BSN: variants seen among roughly 807,000 people sequenced by gnomAD.
BSN encodes protein bassoon.
Under a neutral mutation model 264.8 loss-of-function variants are expected in BSN, and 57 were observed. The ratio of observed to expected loss-of-function variants is 0.22; its 90% CI spans 0.17 to 0.27. The LOEUF (loss-of-function observed/expected upper bound fraction) is 0.27, where lower values mean the gene tolerates loss of function less well. Ranked by LOEUF, BSN falls within the 10% of genes least tolerant of loss-of-function variation. BSN has a pLI of 1.00. For synonymous variants in BSN, 2,059 were observed against 2,137.3 expected (o/e 0.96, Z 1.01); for missense variants, 4,615 against 5,232.5 (o/e 0.88, Z 3.64).
At chr3:49,591,510 A>G (rs1299008312) in intron 1 of BSN, among the ~76,000 whole-genome samples, 1 of 152,212 alleles carries the variant, frequency 6.6e-6, no homozygotes, top group Non-Finnish European at 1.5e-5. Flanking sequence ...TCTGCCACCA[A>G]CAATTTTTTT....
chr3:49,654,533 G>A lies in BSN; in HGVS notation c.4977G>A (p.Arg1659=), dbSNP rs778195624. ...PGTSRVEPGP[R]TPGTAVVDLR... is the part of the protein sequence containing the mutation. The stretch of plus-strand genomic sequence containing the variant: ...CGTCTAGGGTTGAGCCAGGCCCCAG[G>A]ACCCCTGGCACTGCAGTGGTAGACC... Residue 1659 remains arginine, a synonymous_variant, in exon 5 of 12, where the codon AGG becomes AGA. Coordinates refer to ENST00000296452, the MANE Select transcript of BSN (RefSeq NM_003458.4). This position sits in a 1 kb window ranked among gnomAD's most constrained non-coding sequence, Gnocchi z 4.1. 1.9e-6 allele frequency: 3 copies of A among 1,610,850 alleles called. No homozygotes were observed. Among genetic ancestry groups the A allele is most frequent in the Non-Finnish European group, 2.5e-6 (3 of 1,178,378 alleles).
rs764644596 is a variant in BSN, at chr3:49,650,646, A to G, written c.1553A>G (p.Lys518Arg). 3 of 1,607,732 alleles carry G rather than the reference A, an allele frequency of 1.9e-6. No homozygotes were observed. The highest frequency in any genetic ancestry group is 2.5e-6 in the Non-Finnish European group (3 of 1,178,310). The change falls in exon 4 of 12, where the codon AAG (lysine) becomes AGG (arginine). Residue 518 changes from lysine (K) to arginine (R), a missense_variant. Physicochemically the swap from Lys to Arg is conservative, Grantham distance 26. This residue lies in a region of BSN where 1,197 missense variants were observed against 1,348.0 expected (regional missense o/e 0.89). Transcript: ENST00000296452. ...TEWLCLNCQT[K>R]RLLEGSLGEP... Reference sequence around the variant, plus strand: ...TGGCTCTGTCTGAACTGCCAAACCAAGCGGCTACTGGAGGGCAGCCTAGGA... The same window carrying G: ...TGGCTCTGTCTGAACTGCCAAACCAGGCGGCTACTGGAGGGCAGCCTAGGA...
intron 1 of BSN, among the ~76,000 whole-genome samples, chr3:49,605,437 A>G (rs2052108139): frequency 3.5e-5 from 1 of 28,458 alleles, no homozygotes; most frequent in Non-Finnish European, 5.6e-5. Context: ...TATAATATAT[A>G]TTATATATAT....
In BSN at chr3:49,651,939, GAGC is replaced by G. The variant is rs1318219769; in HGVS notation, c.2389_2391del (p.Gln797del). On this transcript the variant is annotated inframe_deletion, in exon 5 of 12. Transcript: ENST00000296452. The surrounding 1 kb of genome is among the most constrained non-coding windows in gnomAD (Gnocchi z 5.4). ...CTCTGCTGAGTGGAGGCGCCGGAGA[GAGC>G]AGCAGGACACTGCCGAGTCCTCAGA... 27 of 1,613,512 alleles carry G rather than the reference GAGC, an allele frequency of 1.7e-5. No individual in the cohort carries two copies. In the Admixed American group the frequency reaches 4.0e-4, roughly 24 times the overall value.
At chr3:49,620,776 G>C (rs948447281) in intron 1 of BSN, among the ~76,000 whole-genome samples, 11 of 152,282 alleles carry the variant, frequency 7.2e-5, no homozygotes, top group Non-Finnish European at 1.3e-4. Context: ...ATCACTTGAG[G>C]TCAGGAGTTC....
chr3:49,596,930 G>T (rs540558329), intron 1 of BSN, among the ~76,000 whole-genome samples: 1 of 151,798 alleles, frequency 6.6e-6, no homozygotes. Flanking sequence ...TCCTTATATC[G>T]TTGATGCGGT....
At chr3:49,615,454 C>A (rs1157161841) in intron 1 of BSN, among the ~76,000 whole-genome samples, 1 of 152,134 alleles carries the variant, frequency 6.6e-6, no homozygotes, top group Non-Finnish European at 1.5e-5. Context: ...TGGAAACTTA[C>A]CATCAGAGTG....
intron 11 of BSN, among the ~76,000 whole-genome samples, chr3:49,666,000 G>A (rs1323377147): frequency 6.6e-6 from 1 of 152,266 alleles, no homozygotes. Context: ...CCTTGGCCCT[G>A]CCTCTGTGGG....
chr3:49,660,667 T>C lies in BSN; in HGVS notation c.8822T>C (p.Leu2941Pro), dbSNP rs2052646295. ...TTVPATKASL[L>P]RELDRDLRLV... ...GTCCCTGCTACCAAGGCCAGCCTGCTCCGGGAGCTGGACCGGGACCTGCGG... is the reference window on the plus strand; with the variant it reads ...GTCCCTGCTACCAAGGCCAGCCTGCCCCGGGAGCTGGACCGGGACCTGCGG... The change falls in exon 6 of 12, where the codon CTC (leucine) becomes CCC (proline). Residue 2941 changes from leucine to proline, a missense_variant. Transcript: ENST00000296452. This position sits in a 1 kb window ranked among gnomAD's most constrained non-coding sequence, Gnocchi z 7.1. The C allele has an allele frequency of 2.5e-6, 4 of 1,613,274 alleles. No homozygotes were observed. Among genetic ancestry groups the C allele is most frequent in the Non-Finnish European group, 3.4e-6 (4 of 1,179,976 alleles).
At chr3:49,577,475 C>T (rs2051854427) in intron 1 of BSN, among the ~76,000 whole-genome samples, 1 of 152,078 alleles carries the variant, frequency 6.6e-6, no homozygotes, top group Non-Finnish European at 1.5e-5. Flanking sequence ...AGGCCAGGTC[C>T]TAGCCTTGCT....
chr3:49,602,370 G>T (rs1491983), intron 1 of BSN, among the ~76,000 whole-genome samples: 124,661 of 152,070 alleles, frequency 0.82, 51,566 homozygotes, highest in East Asian at 0.99. Context: ...GGCACCAGCT[G>T]GGGGAAGGAG....
chr3:49,564,627 G>C (rs1367053799), intron 1 of BSN, among the ~76,000 whole-genome samples: 1 of 152,196 alleles, frequency 6.6e-6, no homozygotes, highest in Non-Finnish European at 1.5e-5. Context: ...GGCCTTGCCA[G>C]CTCAGGTTTG....
At chr3:49,619,569 G>A (rs547635060) in intron 1 of BSN, among the ~76,000 whole-genome samples, 48 of 152,286 alleles carry the variant, frequency 3.2e-4, no homozygotes, top group African/African-American at 1.1e-3. Context: ...CTGTAAAATG[G>A]GCAAAATAGA....
In BSN at chr3:49,638,231, T is replaced by C. The variant is rs1009423300; in HGVS notation, c.634-4037T>C. Among the ~76,000 whole-genome samples, 3 of 138,856 alleles carry C rather than the reference T, an allele frequency of 2.2e-5. No individual in the cohort carries two copies. Among genetic ancestry groups the C allele is most frequent in the South Asian group, 4.3e-4 (2 of 4,616 alleles). 91.1% of individuals were successfully genotyped at this position (138,856 alleles called of 152,430 possible). ...ATGAGGAGGCATCACTGTGTGCAGCTAAGGAAGGCTCTAACTGTACTGGCA... is the reference window on the plus strand; with the variant it reads ...ATGAGGAGGCATCACTGTGTGCAGCCAAGGAAGGCTCTAACTGTACTGGCA... On this transcript the variant is annotated intron_variant, in intron 2 of 11. Coordinates refer to ENST00000296452, the MANE Select transcript of BSN (RefSeq NM_003458.4). This position sits in a 1 kb window ranked among gnomAD's most constrained non-coding sequence, Gnocchi z 4.3.
In BSN at chr3:49,566,336, C is replaced by T. The variant is rs1006129777; in HGVS notation, c.224+11510C>T. 2.0e-5 allele frequency among the ~76,000 whole-genome samples: 3 copies of T among 152,134 alleles called. No individual in the cohort carries two copies. The East Asian group carries it at 5.8e-4, about 29-fold the overall frequency. ...CCTCTTGAAGTTATTTTCTTGCTTC[C>T]TAGTGTCCTTTTATTTCCTATAAAC... On this transcript the variant is annotated intron_variant, in intron 1 of 11. Coordinates refer to ENST00000296452, the MANE Select transcript of BSN (RefSeq NM_003458.4).
intron 1 of BSN, among the ~76,000 whole-genome samples, chr3:49,605,732 A>AAAATATATATAATATATATT (rs2052127089): frequency 2.3e-5 from 1 of 43,558 alleles, no homozygotes; most frequent in Non-Finnish European, 4.1e-5. Context: ...AAATGTATAT[A>AAAATATATATAATATATATT]ATATATAAAT....
rs1229025967 is a variant in BSN at position 49,642,882 on chromosome 3, T to G, written c.1248T>G (p.Pro416=). 6.2e-7 allele frequency: 1 copy of G among 1,613,482 alleles called. No individual in the cohort carries two copies. The highest frequency in any genetic ancestry group is 1.1e-5 in the South Asian group (1 of 91,078). ...PGPAPGAKTE[P]GARMGPGSGP... Reference sequence around the variant, plus strand: ...CAGCACCTGGAGCCAAAACTGAGCCTGGGGCTAGAATGGGTCCTGGATCTG... The same window carrying G: ...CAGCACCTGGAGCCAAAACTGAGCCGGGGGCTAGAATGGGTCCTGGATCTG... The change falls in exon 3 of 12, where the codon CCT becomes CCG. Residue 416 remains proline (P), a synonymous_variant. Coordinates refer to ENST00000296452, the MANE Select transcript of BSN (RefSeq NM_003458.4). The surrounding 1 kb of genome is among the most constrained non-coding windows in gnomAD (Gnocchi z 7.0).
At position 49,575,374 on chromosome 3, in the gene BSN, A is replaced by G. The variant is rs982388048; in HGVS notation, c.224+20548A>G. ...GTCTCAAATATATATATGTGTGTGT[A>G]TATATATGTAAATATATATGTGTGT... On this transcript the variant is annotated intron_variant, in intron 1 of 11. Coordinates refer to ENST00000296452, the MANE Select transcript of BSN (RefSeq NM_003458.4). Among the ~76,000 whole-genome samples, 23 of 149,580 alleles carry G rather than the reference A, an allele frequency of 1.5e-4. 1 individual carries two copies. The highest frequency in any genetic ancestry group is 4.9e-4 in the African/African-American group (20 of 40,870).
chr3:49,653,076 A>G lies in BSN; in HGVS notation c.3520A>G (p.Thr1174Ala). Residue 1174 changes from threonine (T) to alanine (A), a missense_variant, in exon 5 of 12, where the codon ACT becomes GCT. Physicochemically the swap from Thr to Ala is moderately conservative, Grantham distance 58. This residue lies in a region of BSN where 3,415 missense variants were observed against 3,866.4 expected (regional missense o/e 0.88). Coordinates refer to ENST00000296452, the MANE Select transcript of BSN (RefSeq NM_003458.4). The surrounding 1 kb of genome is among the most constrained non-coding windows in gnomAD (Gnocchi z 6.3). ...PTETPSGSST[T>A]PSSGRPLKSA... Reference sequence around the variant, plus strand: ...CGAGACACCCTCCGGCAGCTCCACCACTCCCAGTTCCGGACGGCCGCTCAA... The same window carrying G: ...CGAGACACCCTCCGGCAGCTCCACCGCTCCCAGTTCCGGACGGCCGCTCAA... 6.2e-7 allele frequency: 1 copy of G among 1,613,136 alleles called. No homozygotes were observed. Among genetic ancestry groups the G allele is most frequent in the Non-Finnish European group, 8.5e-7 (1 of 1,179,942 alleles).
Sources: allele counts gnomAD v4.1 joint callset (sites outside exome capture counted in the v4.1 genomes callset), GRCh38; gene constraint gnomAD v4.1.1; regional missense constraint gnomAD v4.1.1; non-coding constraint Gnocchi (gnomAD v3.1); transcripts MANE v1.5; gene names NCBI Gene and HGNC (gene_info 2026-07-23, HGNC 2026-07-21).